Variants in LTF observed in about 807,000 individuals in gnomAD.
LTF encodes lactotransferrin, also known as epididymis luminal protein 110.
A neutral mutation model predicts 87.2 loss-of-function variants in LTF; 91 were observed. The ratio of observed to expected loss-of-function variants is 1.04; its 90% CI spans 0.88 to 1.24. The LOEUF is 1.24. Ranked by LOEUF, LTF falls within the 50% of genes most tolerant of loss-of-function variation. LTF has a pLI of 0.00. For missense variants in LTF, 901 were observed against 904.3 expected, an observed-to-expected ratio of 1.00 and a Z score of 0.05; for synonymous variants, 378 against 356.1, an observed-to-expected ratio of 1.06 and a Z score of -0.69.
intron 2 of LTF, among the ~76,000 whole-genome samples, chr3:46,457,772 C>T (rs984137037): frequency 1.3e-5 from 2 of 151,856 alleles, no homozygotes; most frequent in African/African-American, 4.8e-5. Flanking sequence ...ACATTTTTTC[C>T]AATTTGGGTT....
At chr3:46,461,652 C>T (rs990790315) in intron 1 of LTF, among the ~76,000 whole-genome samples, 2 of 152,142 alleles carry the variant, frequency 1.3e-5, no homozygotes, top group African/African-American at 4.8e-5. Context: ...TAACTATAAA[C>T]AGGCATGAGG....
At chr3:46,469,315 G>A (rs1267152851), upstream of LTF, 2 of 152,278 alleles carry the variant, frequency 1.3e-5, no homozygotes, top group Non-Finnish European at 2.9e-5. Flanking sequence ...TGCAGGGACT[G>A]AGGCCCAGGG....
chr3:46,466,923 G>T (rs1420162375), upstream of LTF, among the ~76,000 whole-genome samples: 1 of 152,172 alleles, frequency 6.6e-6, no homozygotes, highest in Non-Finnish European at 1.5e-5. Context: ...ATGACTGGGA[G>T]GTCAGAGGGC....
chr3:46,479,339 G>C (rs573320375), intron 1 of LTF, among the ~76,000 whole-genome samples: 45 of 152,288 alleles, frequency 3.0e-4, no homozygotes, highest in African/African-American at 9.9e-4. Flanking sequence ...TACAGGGCCC[G>C]GGAATTGTGG....
rs768768367 is a variant in LTF, at chr3:46,436,158, G to A, written c.*37C>T. ...GAAGAGCTGGGGGCAGTGAATGGCT[G>A]AGGCTTTCTTGGGGAGCTGGGCCAT... On this transcript the variant is annotated 3_prime_UTR_variant, in exon 17 of 17. Transcript: ENST00000231751. The A allele has an allele frequency of 6.2e-6, 10 of 1,612,110 alleles. No individual in the cohort carries two copies. The highest frequency in any genetic ancestry group is 1.7e-4 in the Middle Eastern group (1 of 6,050).
At chr3:46,465,643 C>G (rs887766018), upstream of LTF, among the ~76,000 whole-genome samples, 6 of 149,682 alleles carry the variant, frequency 4.0e-5, no homozygotes, top group African/African-American at 1.5e-4. Context: ...CCTCCTTCTT[C>G]TTTTTTGGTG....
chr3:46,442,963 A>C (rs983379264), intron 13 of LTF, among the ~76,000 whole-genome samples: 2 of 152,162 alleles, frequency 1.3e-5, no homozygotes, highest in Admixed American at 1.3e-4. Context: ...CTTATTTTTC[A>C]CTTCGTTACT....
At position 46,445,261 on chromosome 3, in the gene LTF, G is replaced by T. The variant is rs367742305; in HGVS notation, c.1513+20C>A. ...TACCCTCCAGGGTGGCCCACCCACC[G>T]CACCTTTGGAACTCCTTACCAAATT... On this transcript the variant is annotated intron_variant, in intron 12 of 16. Coordinates refer to ENST00000231751, the MANE Select transcript of LTF (RefSeq NM_002343.6). 4 of 1,592,736 alleles carry T rather than the reference G, an allele frequency of 2.5e-6. No homozygotes were observed. In the South Asian group the frequency reaches 3.4e-5, roughly 13 times the overall value.
At chr3:46,446,400 AACTTATCCTTG>A in intron 11 of LTF, 29 bp downstream of exon 11, 2 of 1,561,858 alleles carry the variant, frequency 1.3e-6, no homozygotes, top group Non-Finnish European at 1.8e-6. Flanking sequence ...CAGCAACAAG[AACTTATCCTTG>A]ACCCTGAAAG....
At chr3:46,455,704 A>G (rs1702910873) in intron 4 of LTF, 92 bp downstream of exon 4, 2 of 1,419,354 alleles carry the variant, frequency 1.4e-6, no homozygotes, top group African/African-American at 2.9e-5. Context: ...GATTCATCCC[A>G]CACTTTCACC....
intron 1 of LTF, among the ~76,000 whole-genome samples, chr3:46,461,668 T>C (rs953132867): frequency 6.6e-6 from 1 of 152,066 alleles, no homozygotes; most frequent in African/African-American, 2.4e-5. Context: ...TGAGGGACCT[T>C]TACTGGGGGG....
intron 15 of LTF, among the ~76,000 whole-genome samples, 161 bp from the exon 16 acceptor site, chr3:46,438,290 C>T (rs1164213310): frequency 1.3e-5 from 2 of 152,166 alleles, no homozygotes; most frequent in Admixed American, 6.5e-5. Context: ...TGGAGTCCCC[C>T]ACCCCACACT....
intron 1 of LTF, 134 bp from the exon 2 acceptor site, chr3:46,459,953 T>A: frequency 5.5e-6 from 3 of 545,658 alleles, no homozygotes; most frequent in Non-Finnish European, 5.9e-6. Flanking sequence ...CATGGCTATG[T>A]CCAGCCATTC....
At chr3:46,471,238 T>C (rs1341637212) in intron 1 of LTF, among the ~76,000 whole-genome samples, 1 of 152,146 alleles carries the variant, frequency 6.6e-6, no homozygotes, top group African/African-American at 2.4e-5. Context: ...CTACTCTCCA[T>C]CTGTGTCTCT....
chr3:46,444,872 G>A (rs1037210619), intron 12 of LTF, among the ~76,000 whole-genome samples: 23 of 152,160 alleles, frequency 1.5e-4, no homozygotes, highest in African/African-American at 4.3e-4. Context: ...TAGAGTAAGC[G>A]TCAGTTTTGC....
At chr3:46,456,073 C>T (rs1702922235) in intron 3 of LTF, 95 bp from the exon 4 acceptor site, 1 of 1,204,686 alleles carries the variant, frequency 8.3e-7, no homozygotes, top group Admixed American at 2.7e-5. Context: ...AGGGGGAATG[C>T]TGTGCTGCAG....
chr3:46,442,274 T>C (rs1702542021), intron 13 of LTF, among the ~76,000 whole-genome samples: 1 of 152,140 alleles, frequency 6.6e-6, no homozygotes. Flanking sequence ...TCTTCTTCTA[T>C]ACTACAGAGT....
Position 46,447,638 on chromosome 3 carries a change from C to T in LTF, c.1213-240G>A, listed in dbSNP as rs537623038. On this transcript the variant is annotated intron_variant, in intron 9 of 16. Coordinates refer to ENST00000231751, the MANE Select transcript of LTF (RefSeq NM_002343.6). ...AAGACCAGGCACAGGTTGCACTAAT[C>T]CTCTGTCCTCTGAGCAAAACCTTTT... 3.3e-5 allele frequency among the ~76,000 whole-genome samples: 5 copies of T among 152,330 alleles called. No homozygotes were observed. The South Asian group carries it at 8.3e-4, about 25-fold the overall frequency.
At chr3:46,447,520 G>A in intron 9 of LTF, 122 bp from the exon 10 acceptor site, 2 of 738,362 alleles carry the variant, frequency 2.7e-6, no homozygotes, top group Non-Finnish European at 4.9e-6. Flanking sequence ...GAAAGAGATG[G>A]ACTATTCAAA....
Sources: allele counts gnomAD v4.1 joint callset (sites outside exome capture counted in the v4.1 genomes callset), GRCh38; gene constraint gnomAD v4.1.1; transcripts MANE v1.5; gene names NCBI Gene and HGNC (gene_info 2026-07-23, HGNC 2026-07-21).